Variants in PCDHA12 observed in about 807,000 individuals in gnomAD.
PCDHA12 encodes the protein protocadherin alpha-12.
A neutral mutation model predicts 60.0 loss-of-function variants in PCDHA12; 44 were observed. That is an observed-to-expected ratio of 0.73 (90% CI 0.58 to 0.94). The LOEUF is 0.94. Ranked by LOEUF, PCDHA12 falls within the 40% of genes least tolerant of loss-of-function variation. The pLI is 0.00. For synonymous variants in PCDHA12, 569 were observed against 553.0 expected (o/e 1.03, Z -0.40); for missense variants, 1,276 against 1,239.7 (o/e 1.03, Z -0.44).
chr5:140,933,244 A>G (rs1218658347), intron 1 of PCDHA12, among the ~76,000 whole-genome samples: 3 of 152,038 alleles, frequency 2.0e-5, no homozygotes, highest in African/African-American at 4.8e-5. Context: ...AGAAAGGACT[A>G]TAAACACAAA....
intron 1 of PCDHA12, chr5:140,929,538 A>C: frequency 3.3e-6 from 2 of 603,382 alleles, no homozygotes; most frequent in Non-Finnish European, 5.1e-6. Context: ...TTGAGAAACA[A>C]GGGCAAAAAT....
At chr5:140,921,301 C>T (rs1227923324) in intron 1 of PCDHA12, among the ~76,000 whole-genome samples, 1 of 151,954 alleles carries the variant, frequency 6.6e-6, no homozygotes. Flanking sequence ...TTGCTGAATG[C>T]CATTGTATTA....
intron 1 of PCDHA12, among the ~76,000 whole-genome samples, chr5:140,974,767 T>C (rs559758887): frequency 1.2e-4 from 18 of 152,098 alleles, no homozygotes; most frequent in Non-Finnish European, 2.4e-4. Flanking sequence ...GGATTACAGG[T>C]ATGAGCCACT....
At chr5:140,958,905 A>G (rs1295198062) in intron 1 of PCDHA12, among the ~76,000 whole-genome samples, 1 of 149,390 alleles carries the variant, frequency 6.7e-6, no homozygotes, top group Non-Finnish European at 1.5e-5. Flanking sequence ...AGATACAGAA[A>G]AGTCTGCCTG....
chr5:140,892,250 T>G (rs781827855), intron 1 of PCDHA12, among the ~76,000 whole-genome samples: 2 of 152,182 alleles, frequency 1.3e-5, no homozygotes, highest in Non-Finnish European at 2.9e-5. Flanking sequence ...AACCTGGTTA[T>G]CTTTGATTTT....
At chr5:140,982,273 A>G (rs1554243953) in intron 2 of PCDHA12, 2 of 943,086 alleles carry the variant, frequency 2.1e-6, no homozygotes, top group Non-Finnish European at 3.0e-6. Context: ...CTGGAATAGT[A>G]TAGCAGGCAA....
At chr5:140,991,985 A>G (rs114196704) in intron 3 of PCDHA12, among the ~76,000 whole-genome samples, 1,827 of 150,246 alleles carry the variant, frequency 0.012, 17 homozygotes, top group Non-Finnish European at 0.019. Context: ...TCTGCCTACC[A>G]CCCGGTCTTT....
rs571904104 is a variant in PCDHA12, at chr5:140,891,379, AT to A, written c.2367+13543del. On this transcript the variant is annotated intron_variant, in intron 1 of 3. Transcript: ENST00000398631. ...ACCTGAGCAGTATACATTGCACCATATTTGCAATCTTTTATCCCTCGCCACC... is the reference window on the plus strand; with the variant it reads ...ACCTGAGCAGTATACATTGCACCATATTGCAATCTTTTATCCCTCGCCACC... Among the ~76,000 whole-genome samples, 7 of 151,980 alleles carry A rather than the reference AT, an allele frequency of 4.6e-5. No individual in the cohort carries two copies. In the South Asian group the frequency reaches 1.5e-3, roughly 32 times the overall value.
At chr5:140,984,680 AT>A (rs1180119303) in intron 3 of PCDHA12, among the ~76,000 whole-genome samples, 1 of 152,158 alleles carries the variant, frequency 6.6e-6, no homozygotes, top group East Asian at 1.9e-4. Context: ...TTAGGACTCA[AT>A]ATATGTTCTG....
At chr5:140,966,973 G>T in intron 1 of PCDHA12, 1 of 1,603,054 alleles carries the variant, frequency 6.2e-7, no homozygotes. Flanking sequence ...GGCTTGAGCT[G>T]CGGCGCTTGG....
chr5:140,969,260 C>T (rs782595245), intron 1 of PCDHA12: 11 of 1,614,110 alleles, frequency 6.8e-6, no homozygotes, highest in Non-Finnish European at 6.8e-6. Flanking sequence ...CAGCAGGAAT[C>T]TCACAGGCCA....
At chr5:140,914,360 T>C (rs782101976) in intron 1 of PCDHA12, among the ~76,000 whole-genome samples, 10 of 152,218 alleles carry the variant, frequency 6.6e-5, no homozygotes, top group Non-Finnish European at 1.5e-4. Context: ...GTTTTTGTCT[T>C]GAGATCTATT....
At chr5:140,933,253 A>G (rs958671776) in intron 1 of PCDHA12, among the ~76,000 whole-genome samples, 2 of 152,008 alleles carry the variant, frequency 1.3e-5, no homozygotes, top group Non-Finnish European at 2.9e-5. Context: ...TATAAACACA[A>G]AAGGTTATTA....
At chr5:140,964,609 T>A (rs2095843840) in intron 1 of PCDHA12, among the ~76,000 whole-genome samples, 1 of 152,062 alleles carries the variant, frequency 6.6e-6, no homozygotes, top group Non-Finnish European at 1.5e-5. Context: ...AACTTACAAC[T>A]TGATTCCACT....
chr5:140,923,804 A>G (rs782008903), intron 1 of PCDHA12, among the ~76,000 whole-genome samples: 30 of 152,222 alleles, frequency 2.0e-4, no homozygotes, highest in Admixed American at 3.9e-4. Flanking sequence ...CACAAATGAA[A>G]TCTTCTGAAA....
At chr5:140,939,335 T>A (rs1195092720) in intron 1 of PCDHA12, among the ~76,000 whole-genome samples, 2 of 152,080 alleles carry the variant, frequency 1.3e-5, no homozygotes, top group Non-Finnish European at 2.9e-5. Context: ...ATCTTAGGGG[T>A]TAGCATTTCA....
At chr5:140,951,082 C>G (rs1563248212) in intron 1 of PCDHA12, among the ~76,000 whole-genome samples, 1 of 151,404 alleles carries the variant, frequency 6.6e-6, no homozygotes, top group African/African-American at 2.4e-5. Context: ...TTATATTTTC[C>G]TTTTTTTCTG....
At chr5:140,895,964 C>T (rs2065282764) in intron 1 of PCDHA12, among the ~76,000 whole-genome samples, 2 of 152,120 alleles carry the variant, frequency 1.3e-5, no homozygotes, top group South Asian at 4.1e-4. Flanking sequence ...GTGCCTGTCA[C>T]CAGGCCTAGC....
intron 1 of PCDHA12, chr5:140,884,248 G>T (rs1554181373): frequency 1.2e-6 from 2 of 1,613,458 alleles, no homozygotes; most frequent in East Asian, 4.5e-5. Flanking sequence ...CCGCGCTGAC[G>T]GCCACGGCAA....
Sources: allele counts gnomAD v4.1 joint callset (sites outside exome capture counted in the v4.1 genomes callset), GRCh38; gene constraint gnomAD v4.1.1; transcripts MANE v1.5; gene names NCBI Gene and HGNC (gene_info 2026-07-23, HGNC 2026-07-21).